NXPE2: variants seen among roughly 807,000 people sequenced by gnomAD.
NXPE2 encodes NXPE family member 2.
In NXPE2, 34 loss-of-function variants were observed where a neutral mutation model predicts 34.4. That is an observed-to-expected ratio of 0.99 (90% CI 0.75 to 1.31). The LOEUF (loss-of-function observed/expected upper bound fraction) is 1.31, where lower values mean the gene tolerates loss of function less well. Among genes scored for constraint, NXPE2 ranks in the 40% most tolerant of loss-of-function variants. The pLI is 0.00. For missense variants in NXPE2, 649 were observed against 672.5 expected (o/e 0.97, Z 0.39); for synonymous variants, 235 against 231.3 (o/e 1.02, Z -0.15).
chr11:114,531,054 C>T, the NXPE2 span: 1 of 721,088 alleles, frequency 1.4e-6, no homozygotes, highest in Non-Finnish European at 2.0e-6. Flanking sequence ...AATAAAGTGG[C>T]ATAATAAACC....
At chr11:114,675,945 C>T (rs1269772003), upstream of NXPE2, among the ~76,000 whole-genome samples, 2 of 151,856 alleles carry the variant, frequency 1.3e-5, no homozygotes, top group Non-Finnish European at 2.9e-5. Context: ...AATAAATCCA[C>T]ATGTTTACAG....
At chr11:114,493,299 A>G in the NXPE2 span, among the ~76,000 whole-genome samples, 2 of 152,140 alleles carry the variant, frequency 1.3e-5, no homozygotes, top group African/African-American at 2.4e-5. Context: ...TGAAGAGTTT[A>G]GTTCATTTAC....
chr11:114,734,799 A>G, the NXPE2 span, among the ~76,000 whole-genome samples: 1 of 152,200 alleles, frequency 6.6e-6, no homozygotes, highest in Non-Finnish European at 1.5e-5. Flanking sequence ...CTGTGAATAT[A>G]CTAGGGAGAT....
At chr11:114,565,446 C>T in the NXPE2 span, among the ~76,000 whole-genome samples, 17 of 152,260 alleles carry the variant, frequency 1.1e-4, no homozygotes, top group South Asian at 3.1e-3. Context: ...CCTGATGCTG[C>T]GAACAAGGCA....
At chr11:114,633,336 TTTA>T in the NXPE2 span, among the ~76,000 whole-genome samples, 2 of 141,230 alleles carry the variant, frequency 1.4e-5, no homozygotes, top group Admixed American at 1.5e-4. Context: ...GGTATTACAT[TTTA>T]TTATATGATT....
the NXPE2 span, among the ~76,000 whole-genome samples, chr11:114,732,867 GC>G: frequency 6.6e-6 from 1 of 151,460 alleles, no homozygotes; most frequent in Non-Finnish European, 1.5e-5. Context: ...GGGCTATCTG[GC>G]CCATCAATTG....
chr11:114,803,458 G>A, the NXPE2 span, among the ~76,000 whole-genome samples: 15 of 152,210 alleles, frequency 9.9e-5, no homozygotes, highest in Non-Finnish European at 1.3e-4. Flanking sequence ...TCTGGAGGCT[G>A]AGAAGCCTGA....
chr11:114,608,929 G>T, the NXPE2 span, among the ~76,000 whole-genome samples: 1 of 151,580 alleles, frequency 6.6e-6, no homozygotes, highest in African/African-American at 2.4e-5. Flanking sequence ...GATAAGTACT[G>T]CCTCGTGGGT....
the NXPE2 span, among the ~76,000 whole-genome samples, chr11:114,621,883 A>G: frequency 1.3e-5 from 2 of 151,728 alleles, no homozygotes; most frequent in Admixed American, 6.6e-5. Context: ...GCTGGATAAT[A>G]AGTATTGATT....
intron 3 of NXPE2, among the ~76,000 whole-genome samples, chr11:114,699,402 T>G (rs1189065046): frequency 6.6e-6 from 1 of 152,220 alleles, no homozygotes; most frequent in East Asian, 1.9e-4. Flanking sequence ...TCTTTTACTA[T>G]TTCCTCCTTA....
At chr11:114,770,567 A>C in the NXPE2 span, among the ~76,000 whole-genome samples, 1 of 152,238 alleles carries the variant, frequency 6.6e-6, no homozygotes, top group Non-Finnish European at 1.5e-5. Flanking sequence ...AGTTAACATC[A>C]CATTAATGCT....
At chr11:114,471,790 CA>C in the NXPE2 span, among the ~76,000 whole-genome samples, 2 of 152,070 alleles carry the variant, frequency 1.3e-5, no homozygotes, top group African/African-American at 4.8e-5. Flanking sequence ...TCAGCCTGTA[CA>C]AAATCTTAGC....
chr11:114,696,606 TG>T, intron 2 of NXPE2, among the ~76,000 whole-genome samples: 1 of 152,096 alleles, frequency 6.6e-6, no homozygotes, highest in East Asian at 1.9e-4. Context: ...CCAATACATG[TG>T]TGTACATCTA....
chr11:114,610,648 C>T, the NXPE2 span, among the ~76,000 whole-genome samples: 7 of 151,886 alleles, frequency 4.6e-5, no homozygotes, highest in African/African-American at 1.7e-4. Context: ...TGGGTAACCA[C>T]TGTTAACCGG....
chr11:114,809,921 C>A, the NXPE2 span, among the ~76,000 whole-genome samples: 1 of 144,080 alleles, frequency 6.9e-6, no homozygotes, highest in Non-Finnish European at 1.5e-5. Flanking sequence ...GGAGGCATCA[C>A]ACTACCTGAC....
the NXPE2 span, among the ~76,000 whole-genome samples, chr11:114,604,757 T>C: frequency 9.2e-5 from 14 of 151,886 alleles, no homozygotes; most frequent in African/African-American, 2.9e-4. Context: ...TATTGCCTCA[T>C]TGGTAACCAC....
chr11:114,530,008 C>T, the NXPE2 span: 1 of 633,116 alleles, frequency 1.6e-6, no homozygotes, highest in Non-Finnish European at 2.7e-6. Context: ...AGTGAAAATG[C>T]AAACTTTGGC....
the NXPE2 span, among the ~76,000 whole-genome samples, chr11:114,759,145 A>G: frequency 6.6e-6 from 1 of 152,008 alleles, no homozygotes; most frequent in Non-Finnish European, 1.5e-5. Flanking sequence ...CTCCTTTTTA[A>G]TTGTCAGCTA....
At chr11:114,662,658 G>A in the NXPE2 span, among the ~76,000 whole-genome samples, 1 of 152,118 alleles carries the variant, frequency 6.6e-6, no homozygotes, top group Non-Finnish European at 1.5e-5. Flanking sequence ...CTTGAGGGGA[G>A]GAGAGGGAAG....
Sources: allele counts gnomAD v4.1 joint callset (sites outside exome capture counted in the v4.1 genomes callset), GRCh38; gene constraint gnomAD v4.1.1; transcripts MANE v1.5; gene names NCBI Gene and HGNC (gene_info 2026-07-23, HGNC 2026-07-21).